Variants in ERBB4 observed in about 807,000 individuals in gnomAD.
The protein encoded by ERBB4 is receptor tyrosine-protein kinase erbB-4.
Under a neutral mutation model 158.0 loss-of-function variants are expected in ERBB4, and 42 were observed. The observed-to-expected ratio is 0.27, with a 90% CI of 0.21 to 0.34. The LOEUF (loss-of-function observed/expected upper bound fraction) is 0.34, where lower values mean the gene tolerates loss of function less well. Among genes scored for constraint, ERBB4 ranks in the 10% least tolerant of loss-of-function variants. The pLI is 1.00. For missense variants in ERBB4, 1,333 were observed against 1,624.1 expected (o/e 0.82, Z 3.08); for synonymous variants, 583 against 558.7 (o/e 1.04, Z -0.61).
intron 15 of ERBB4, among the ~76,000 whole-genome samples, chr2:211,662,315 T>C (rs1002137192): frequency 6.6e-5 from 10 of 152,036 alleles, no homozygotes; most frequent in African/African-American, 1.9e-4. Flanking sequence ...TTTAATTACA[T>C]TGGTTAAGTT....
At chr2:211,386,439 G>T (rs1030206372) in intron 27 of ERBB4, among the ~76,000 whole-genome samples, 5 of 152,128 alleles carry the variant, frequency 3.3e-5, no homozygotes, top group African/African-American at 1.2e-4. Flanking sequence ...GCCATCAAAA[G>T]CATCAGGCAC....
intron 1 of ERBB4, among the ~76,000 whole-genome samples, chr2:212,250,663 C>T (rs1443382157): frequency 6.6e-6 from 1 of 151,780 alleles, no homozygotes; most frequent in East Asian, 1.9e-4. Context: ...TTCACTTATT[C>T]TTCCATGTTA....
At chr2:211,414,731 A>C (rs983972744) in intron 25 of ERBB4, among the ~76,000 whole-genome samples, 1 of 152,124 alleles carries the variant, frequency 6.6e-6, no homozygotes, top group Non-Finnish European at 1.5e-5. Flanking sequence ...TTTAACAGCA[A>C]CTTGAAATGA....
chr2:211,500,141 C>G (rs976367513), intron 20 of ERBB4, among the ~76,000 whole-genome samples: 1 of 152,098 alleles, frequency 6.6e-6, no homozygotes, highest in South Asian at 2.1e-4. Flanking sequence ...GGTCATGGTA[C>G]AGTCGTCTGC....
chr2:211,714,411 G>A (rs570419278), intron 7 of ERBB4, among the ~76,000 whole-genome samples: 11 of 152,312 alleles, frequency 7.2e-5, no homozygotes, highest in African/African-American at 2.4e-4. Context: ...AATATGCAAT[G>A]TTGTGGAATG....
chr2:211,693,479 C>G (rs893242625), intron 12 of ERBB4, among the ~76,000 whole-genome samples: 2 of 152,062 alleles, frequency 1.3e-5, no homozygotes, highest in Admixed American at 6.6e-5. Context: ...TGGTTTTAAG[C>G]TATTCAATTA....
At position 211,383,138 on chromosome 2, in the gene ERBB4, T is replaced by C. The variant is rs1371680752; in HGVS notation, c.*477A>G. On this transcript the variant is annotated 3_prime_UTR_variant, in exon 28 of 28. Coordinates refer to ENST00000342788, the MANE Select transcript of ERBB4 (RefSeq NM_005235.3). ...ATATGTTATAGAAAATGTTATTCTT[T>C]TGTTCTAATGGAAACTTTATTATGA... The C allele has an allele frequency of 1.3e-5, 3 of 236,748 alleles. No individual in the cohort carries two copies. Among genetic ancestry groups the C allele is most frequent in the Non-Finnish European group, 2.5e-5 (3 of 120,470 alleles). The allele number at this position is 236,748 out of a possible 1,614,324, so 14.7% of individuals were successfully genotyped here. A position where few individuals can be genotyped will look rare whatever the true frequency, so the allele number is the denominator to read the frequency against.
chr2:211,411,843 G>A (rs946909764), intron 25 of ERBB4, among the ~76,000 whole-genome samples: 1 of 151,674 alleles, frequency 6.6e-6, no homozygotes, highest in African/African-American at 2.4e-5. Flanking sequence ...ATAGATGAAG[G>A]CCAAAAAATA....
At chr2:212,261,460 G>A (rs2084941633) in intron 1 of ERBB4, among the ~76,000 whole-genome samples, 1 of 152,088 alleles carries the variant, frequency 6.6e-6, no homozygotes, top group African/African-American at 2.4e-5. Context: ...ACAAAAATAT[G>A]AGGATTTAGG....
chr2:211,664,385 A>T (rs1394510542), intron 15 of ERBB4, among the ~76,000 whole-genome samples: 1 of 151,450 alleles, frequency 6.6e-6, no homozygotes, highest in African/African-American at 2.4e-5. Context: ...GTGTGTTTAT[A>T]TGTGTATGTG....
chr2:212,306,217 C>T (rs115581324), intron 1 of ERBB4, among the ~76,000 whole-genome samples: 1 of 151,380 alleles, frequency 6.6e-6, no homozygotes, highest in African/African-American at 2.4e-5. Context: ...TCTGACCACT[C>T]CCCAAAAAAT....
intron 1 of ERBB4, among the ~76,000 whole-genome samples, chr2:212,270,900 T>C (rs1217671441): frequency 6.6e-6 from 1 of 151,738 alleles, no homozygotes; most frequent in Non-Finnish European, 1.5e-5. Flanking sequence ...ATCATTTAAA[T>C]GGAAACCCTA....
intron 1 of ERBB4, among the ~76,000 whole-genome samples, chr2:212,178,659 A>G (rs1324116815): frequency 6.6e-6 from 1 of 151,736 alleles, no homozygotes; most frequent in Non-Finnish European, 1.5e-5. Context: ...AGACTTTAAC[A>G]TCCTAGTATG....
intron 2 of ERBB4, among the ~76,000 whole-genome samples, chr2:212,013,495 T>C (rs2076439679): frequency 6.6e-6 from 1 of 152,172 alleles, no homozygotes; most frequent in African/African-American, 2.4e-5. Context: ...TGTGAATGAA[T>C]GTGACCTAAT....
chr2:211,684,466 A>AAAGAAAAGAAAAGAAAAG (rs971333576), intron 12 of ERBB4, among the ~76,000 whole-genome samples: 1 of 151,720 alleles, frequency 6.6e-6, no homozygotes, highest in Non-Finnish European at 1.5e-5. Flanking sequence ...TAAAATAAAA[A>AAAGAAAAGAAAAGAAAAG]AAGAAAAGAA....
At chr2:212,119,032 T>C (rs1191842774) in intron 2 of ERBB4, among the ~76,000 whole-genome samples, 1 of 152,060 alleles carries the variant, frequency 6.6e-6, no homozygotes, top group Non-Finnish European at 1.5e-5. Context: ...AAGACATGTA[T>C]AATGATTAAA....
At chr2:211,661,171 A>C (rs2071409640) in intron 15 of ERBB4, among the ~76,000 whole-genome samples, 1 of 152,188 alleles carries the variant, frequency 6.6e-6, no homozygotes, top group African/African-American at 2.4e-5. Context: ...TGAAAGACAA[A>C]GAAAAATAAG....
At chr2:211,723,902 A>G (rs7421820) in intron 6 of ERBB4, among the ~76,000 whole-genome samples, 128,903 of 152,146 alleles carry the variant, frequency 0.85, 55,026 homozygotes, top group African/African-American at 0.94. Context: ...TGGAATCATT[A>G]GACCGTTCCA....
chr2:211,855,463 C>T (rs999412857), intron 3 of ERBB4, among the ~76,000 whole-genome samples: 2 of 152,212 alleles, frequency 1.3e-5, no homozygotes, highest in South Asian at 4.1e-4. Flanking sequence ...TTACCTTTAA[C>T]ATTTACATCC....
Sources: allele counts gnomAD v4.1 joint callset (sites outside exome capture counted in the v4.1 genomes callset), GRCh38; gene constraint gnomAD v4.1.1; transcripts MANE v1.5; gene names NCBI Gene and HGNC (gene_info 2026-07-23, HGNC 2026-07-21).